LYPD1: variants seen among roughly 807,000 people sequenced by gnomAD.
LYPD1 encodes ly6/PLAUR domain-containing protein 1.
A neutral mutation model predicts 14.2 loss-of-function variants in LYPD1; 14 were observed. That is an observed-to-expected ratio of 0.99 (90% confidence interval 0.65 to 1.54). The LOEUF is 1.54. Ranked by LOEUF, LYPD1 falls within the 40% of genes most tolerant of loss-of-function variation. The pLI, the probability that LYPD1 is intolerant of heterozygous loss-of-function variation, is 0.00. For missense variants in LYPD1, 165 were observed against 175.7 expected (o/e 0.94, Z 0.34); for synonymous variants, 85 against 70.6 (o/e 1.20, Z -1.02).
chr2:132,645,057 G>T lies in LYPD1; in HGVS notation c.*988C>A. On this transcript the variant is annotated 3_prime_UTR_variant, in exon 3 of 3. Coordinates refer to ENST00000397463, the MANE Select transcript of LYPD1 (RefSeq NM_144586.7). ...TTCATTTACTGTGTTCTCATGCTGT[G>T]TTTTTCTTTTCTCTGTCTCTCCCTC... The T allele has an allele frequency of 6.4e-7, 1 of 1,573,532 alleles. No individual in the cohort carries two copies. The highest frequency in any genetic ancestry group is 8.6e-7 in the Non-Finnish European group (1 of 1,158,436).
upstream of LYPD1, chr2:132,670,267 G>A (rs1348690293): frequency 2.2e-6 from 1 of 464,898 alleles, no homozygotes; most frequent in Non-Finnish European, 3.3e-6. This position sits in a 1 kb window ranked among gnomAD's most constrained non-coding sequence, Gnocchi z 4.5. Flanking sequence ...TCCCACTCCA[G>A]GCATCACGTG....
intron 2 of LYPD1, among the ~76,000 whole-genome samples, chr2:132,653,359 T>A (rs1682428705): frequency 6.6e-6 from 1 of 152,178 alleles, no homozygotes; most frequent in South Asian, 2.1e-4. Context: ...CTGGAGCAAT[T>A]TGAGCAACAA....
chr2:132,657,890 A>C (rs1437435733), intron 2 of LYPD1, among the ~76,000 whole-genome samples: 1 of 151,992 alleles, frequency 6.6e-6, no homozygotes, highest in Non-Finnish European at 1.5e-5. Context: ...ACTTTGTTGA[A>C]TTTTTCTAAT....
At chr2:132,668,874 C>T (rs572411314) in intron 1 of LYPD1, among the ~76,000 whole-genome samples, 5 of 152,356 alleles carry the variant, frequency 3.3e-5, no homozygotes, top group South Asian at 4.1e-4. Context: ...TGGAGATGTG[C>T]GTTAGCTCCA....
chr2:132,647,198 C>T (rs1006042865), intron 2 of LYPD1, among the ~76,000 whole-genome samples: 1 of 152,178 alleles, frequency 6.6e-6, no homozygotes, highest in Non-Finnish European at 1.5e-5. Flanking sequence ...GGGAGGCCCT[C>T]ATGATTACCC....
chr2:132,669,967 G>T lies in LYPD1; in HGVS notation c.-35C>A, dbSNP rs756039430. The T allele has an allele frequency of 7.5e-6, 12 of 1,607,918 alleles. No individual in the cohort carries two copies. Among genetic ancestry groups the T allele is most frequent in the Admixed American group, 1.7e-5 (1 of 59,704 alleles). Reference sequence around the variant, plus strand: ...GTCCCGGGGCCGGGAGAGGGCAAGCGCATCAGAGGAGGCGACAGCAGCGGA... The same window carrying T: ...GTCCCGGGGCCGGGAGAGGGCAAGCTCATCAGAGGAGGCGACAGCAGCGGA... On this transcript the variant is annotated 5_prime_UTR_variant, in exon 1 of 3. Transcript: ENST00000397463. The surrounding 1 kb of genome is among the most constrained non-coding windows in gnomAD (Gnocchi z 4.3).
chr2:132,670,157 C>A lies in LYPD1; in HGVS notation c.-225G>T. The A allele has an allele frequency of 7.4e-7, 1 of 1,356,968 alleles. No individual in the cohort carries two copies. Among genetic ancestry groups the A allele is most frequent in the Non-Finnish European group, 9.4e-7 (1 of 1,060,318 alleles). The allele number at this position is 1,356,968 out of a possible 1,614,324, so 84.1% of individuals were successfully genotyped here. On this transcript the variant is annotated 5_prime_UTR_variant, in exon 1 of 3. Transcript: ENST00000397463. This position sits in a 1 kb window ranked among gnomAD's most constrained non-coding sequence, Gnocchi z 4.5. ...CGGGTCTCTGCTCCTCCCGCTCGCG[C>A]TCCCGGGCCGAGCACCGCGCCTCCG...
chr2:132,667,148 C>CA (rs749868240), intron 2 of LYPD1, among the ~76,000 whole-genome samples: 4 of 152,160 alleles, frequency 2.6e-5, no homozygotes, highest in Non-Finnish European at 5.9e-5. Context: ...TGTTTTGCAT[C>CA]ATTAATAGCC....
Position 132,669,446 on chromosome 2 carries a change from G to A in LYPD1, c.52+435C>T, listed in dbSNP as rs956673703. On this transcript the variant is annotated intron_variant, in intron 1 of 2. Transcript: ENST00000397463. The surrounding 1 kb of genome is among the most constrained non-coding windows in gnomAD (Gnocchi z 4.3). ...GCCCCACATCTATCGCACTCTGAGC[G>A]CAGCAACCCAGCTTCAGCGTGGCCG... Among the ~76,000 whole-genome samples, 9 of 152,144 alleles carry A rather than the reference G, an allele frequency of 5.9e-5. No individual in the cohort carries two copies. Among genetic ancestry groups the A allele is most frequent in the Non-Finnish European group, 1.2e-4 (8 of 68,018 alleles).
At chr2:132,653,201 T>G (rs1238265576) in intron 2 of LYPD1, among the ~76,000 whole-genome samples, 1 of 152,196 alleles carries the variant, frequency 6.6e-6, no homozygotes, top group Non-Finnish European at 1.5e-5. Context: ...CCCTGGAGTC[T>G]AACAGACCTA....
chr2:132,646,973 A>C (rs752306511), intron 2 of LYPD1, among the ~76,000 whole-genome samples: 10 of 152,350 alleles, frequency 6.6e-5, no homozygotes, highest in Admixed American at 5.2e-4. Flanking sequence ...CTTCCCAAGA[A>C]GACTAGGGGG....
At position 132,646,183 on chromosome 2, in the gene LYPD1, A is replaced by C. The variant is rs766399753; in HGVS notation, c.288T>G (p.Val96=). 1 of 1,610,256 alleles carries C rather than the reference A, an allele frequency of 6.2e-7. No homozygotes were observed. The highest frequency in any genetic ancestry group is 2.2e-5 in the East Asian group (1 of 44,734). ...SFCSPGKLNS[V]CISCCNTPLC... ...GAGGGGTGTTGCAGCAGCTGATGCA[A>C]ACTGAGTTCAGTTTCCCTGGGGAGC... Residue 96 remains valine (V), a synonymous_variant, in exon 3 of 3, where the codon GTT becomes GTG. Transcript: ENST00000397463.
chr2:132,661,261 G>A (rs769667772), intron 2 of LYPD1, among the ~76,000 whole-genome samples: 1 of 152,162 alleles, frequency 6.6e-6, no homozygotes, highest in Non-Finnish European at 1.5e-5. Flanking sequence ...GAAAACAGAT[G>A]AATTATATAA....
At chr2:132,664,907 A>G (rs1426026849) in intron 2 of LYPD1, among the ~76,000 whole-genome samples, 1 of 152,264 alleles carries the variant, frequency 6.6e-6, no homozygotes, top group Non-Finnish European at 1.5e-5. Flanking sequence ...GAGCAAAAGA[A>G]GTGTCATTAT....
chr2:132,663,603 A>T (rs1683093168), intron 2 of LYPD1, among the ~76,000 whole-genome samples: 1 of 152,164 alleles, frequency 6.6e-6, no homozygotes. Context: ...AAGCTGTTGA[A>T]GTCTCCTTTG....
In LYPD1 at chr2:132,646,747, T is replaced by C. The variant is rs374654122; in HGVS notation, c.191-467A>G. ...TGTGTTGATGAAATCCTGGAGTTCT[T>C]TGAAGACAGACCAAATCCCGAAGGG... On this transcript the variant is annotated intron_variant, in intron 2 of 2. Transcript: ENST00000397463. 5.5e-4 allele frequency among the ~76,000 whole-genome samples: 83 copies of C among 152,158 alleles called. 2 individuals are homozygous for C. The South Asian group carries it at 0.016, about 30-fold the overall frequency.
At chr2:132,658,446 G>A (rs1475711854) in intron 2 of LYPD1, among the ~76,000 whole-genome samples, 1 of 152,156 alleles carries the variant, frequency 6.6e-6, no homozygotes, top group East Asian at 1.9e-4. Flanking sequence ...ACTAATGAAG[G>A]GATGGAAAAT....
intron 2 of LYPD1, chr2:132,667,046 A>G (rs1207852865): frequency 6.6e-6 from 1 of 152,248 alleles, no homozygotes; most frequent in Non-Finnish European, 1.5e-5. Flanking sequence ...TTCTTTGCTC[A>G]GGTAAAACGT....
chr2:132,662,894 G>A (rs939856096), intron 2 of LYPD1: 2 of 152,212 alleles, frequency 1.3e-5, no homozygotes, highest in Non-Finnish European at 2.9e-5. Context: ...CATCTATGGA[G>A]ATGGGAGGTC....
Sources: allele counts gnomAD v4.1 joint callset (sites outside exome capture counted in the v4.1 genomes callset), GRCh38; gene constraint gnomAD v4.1.1; non-coding constraint Gnocchi (gnomAD v3.1); transcripts MANE v1.5; gene names NCBI Gene and HGNC (gene_info 2026-07-23, HGNC 2026-07-21).